The following LGSN variants were observed in gnomAD, a reference collection of about 807,000 sequenced individuals.
The protein encoded by LGSN is lengsin, lens protein with glutamine synthetase domain.
In LGSN, 21 loss-of-function variants were observed where a neutral mutation model predicts 19.5. That is an observed-to-expected ratio of 1.07 (90% CI 0.76 to 1.55). The LOEUF is 1.55. Among genes scored for constraint, LGSN ranks in the 40% most tolerant of loss-of-function variants. LGSN has a pLI of 0.00. For synonymous variants in LGSN, 257 were observed against 215.6 expected, an observed-to-expected ratio of 1.19 and a Z score of -1.68; for missense variants, 673 against 608.5, an observed-to-expected ratio of 1.11 and a Z score of -1.12.
the LGSN span, among the ~76,000 whole-genome samples, chr6:63,473,859 A>G: frequency 6.8e-6 from 1 of 148,120 alleles, no homozygotes; most frequent in Non-Finnish European, 1.5e-5. Context: ...TACCTGCTCA[A>G]TGTTTGCTAT....
At chr6:63,434,370 G>C in the LGSN span, among the ~76,000 whole-genome samples, 3 of 150,852 alleles carry the variant, frequency 2.0e-5, no homozygotes, top group Non-Finnish European at 4.4e-5. Context: ...AACCCAGGAG[G>C]TGGAGGTTGC....
the LGSN span, among the ~76,000 whole-genome samples, chr6:63,444,537 TAA>T: frequency 6.6e-6 from 1 of 152,170 alleles, no homozygotes; most frequent in African/African-American, 2.4e-5. Flanking sequence ...GATAGCAATA[TAA>T]GTTAACACAT....
At chr6:63,343,280 A>G in the LGSN span, among the ~76,000 whole-genome samples, 1 of 152,226 alleles carries the variant, frequency 6.6e-6, no homozygotes, top group Non-Finnish European at 1.5e-5. Flanking sequence ...TAGGCATTCA[A>G]TTACATATTT....
the LGSN span, among the ~76,000 whole-genome samples, chr6:63,337,621 G>C: frequency 6.6e-6 from 1 of 151,708 alleles, no homozygotes; most frequent in Non-Finnish European, 1.5e-5. Flanking sequence ...GGGTAACATG[G>C]CCAAACTACA....
chr6:63,359,753 T>C, the LGSN span, among the ~76,000 whole-genome samples: 1 of 152,232 alleles, frequency 6.6e-6, no homozygotes, highest in Admixed American at 6.5e-5. Flanking sequence ...GCTGGTGGTC[T>C]ATCAATTTTG....
chr6:63,398,648 A>T, the LGSN span, among the ~76,000 whole-genome samples: 1 of 152,126 alleles, frequency 6.6e-6, no homozygotes, highest in Non-Finnish European at 1.5e-5. Context: ...TTATTAAAGG[A>T]AGAATACTAT....
the LGSN span, among the ~76,000 whole-genome samples, chr6:63,330,580 G>A: frequency 6.6e-6 from 1 of 152,182 alleles, no homozygotes; most frequent in South Asian, 2.1e-4. Flanking sequence ...GAAGGCAGAA[G>A]GATTTTCTTC....
the LGSN span, among the ~76,000 whole-genome samples, chr6:63,328,167 T>C: frequency 6.6e-6 from 1 of 152,210 alleles, no homozygotes; most frequent in African/African-American, 2.4e-5. Flanking sequence ...TCAAGTATGA[T>C]TACATCAATA....
intron 2 of LGSN, among the ~76,000 whole-genome samples, chr6:63,290,566 G>T (rs964160383): frequency 3.3e-5 from 5 of 152,154 alleles, no homozygotes; most frequent in Non-Finnish European, 7.3e-5. Flanking sequence ...TTTGAAACTA[G>T]ATCTGGCAAC....
chr6:63,543,137 G>C, the LGSN span, among the ~76,000 whole-genome samples: 15 of 152,076 alleles, frequency 9.9e-5, no homozygotes, highest in African/African-American at 3.6e-4. Flanking sequence ...TCACAAATTA[G>C]AGTGCTCCTT....
At chr6:63,462,280 T>C in the LGSN span, among the ~76,000 whole-genome samples, 1 of 152,148 alleles carries the variant, frequency 6.6e-6, no homozygotes, top group Non-Finnish European at 1.5e-5. Flanking sequence ...GGGTATCTGA[T>C]ACCTAGTGTC....
the LGSN span, among the ~76,000 whole-genome samples, chr6:63,370,055 T>C: frequency 6.6e-6 from 1 of 152,028 alleles, no homozygotes; most frequent in Non-Finnish European, 1.5e-5. Flanking sequence ...GAAAGAAAAG[T>C]CACATTTCTC....
chr6:63,481,324 A>G, the LGSN span, among the ~76,000 whole-genome samples: 1 of 151,426 alleles, frequency 6.6e-6, no homozygotes, highest in African/African-American at 2.4e-5. Context: ...TGCATGCAAC[A>G]AAAACCACTT....
At chr6:63,441,786 C>T in the LGSN span, 11 of 352,800 alleles carry the variant, frequency 3.1e-5, no homozygotes, top group Non-Finnish European at 5.5e-5. Flanking sequence ...CGGAAGCACA[C>T]TCGTTTCTGG....
chr6:63,313,960 A>G (rs1768738698), intron 1 of LGSN, among the ~76,000 whole-genome samples: 1 of 152,174 alleles, frequency 6.6e-6, no homozygotes, highest in Non-Finnish European at 1.5e-5. Context: ...GAGATGTAGG[A>G]GAGAGTAGAA....
At chr6:63,420,194 C>A in the LGSN span, among the ~76,000 whole-genome samples, 1,428 of 149,706 alleles carry the variant, frequency 9.5e-3, 15 homozygotes, top group African/African-American at 0.033. Flanking sequence ...CAGACCGAGA[C>A]TGCGTCTCAA....
chr6:63,371,198 T>TA, the LGSN span, among the ~76,000 whole-genome samples: 1 of 152,330 alleles, frequency 6.6e-6, no homozygotes, highest in South Asian at 2.1e-4. Flanking sequence ...TCTAAGTAGT[T>TA]AAAAAACATC....
rs201287135 is a variant in LGSN at position 63,315,616 on chromosome 6, CTCTG to C, written c.30+4294_30+4297del. Among the ~76,000 whole-genome samples, 772 of 114,626 alleles carry C rather than the reference CTCTG, an allele frequency of 6.7e-3. 7 individuals carry two copies. The highest frequency in any genetic ancestry group is 9.9e-3 in the Non-Finnish European group (537 of 54,448). The allele number at this position is 114,626 out of a possible 152,430, so 75.2% of individuals were successfully genotyped here. A position where few individuals can be genotyped will look rare whatever the true frequency, so the allele number is the denominator to read the frequency against. On this transcript the variant is annotated intron_variant, in intron 1 of 3. Coordinates refer to ENST00000370657, the MANE Select transcript of LGSN (RefSeq NM_016571.3). ...TAGCTAAAATGTTCTCTCTCTCTCT[CTCTG>C]TGTGTGTGTGTGTGTGTGTGTGTGT...
the LGSN span, among the ~76,000 whole-genome samples, chr6:63,363,542 A>G: frequency 1.3e-5 from 2 of 152,242 alleles, no homozygotes; most frequent in East Asian, 1.9e-4. Context: ...CATGAGAACT[A>G]TGTGATACAT....
Sources: allele counts gnomAD v4.1 joint callset (sites outside exome capture counted in the v4.1 genomes callset), GRCh38; gene constraint gnomAD v4.1.1; transcripts MANE v1.5; gene names NCBI Gene and HGNC (gene_info 2026-07-23, HGNC 2026-07-21).